The following FLT1 variants were observed in gnomAD, a reference collection of about 807,000 sequenced individuals.
The protein encoded by FLT1 is fms related receptor tyrosine kinase 1.
Under a neutral mutation model 156.3 loss-of-function variants are expected in FLT1, and 49 were observed. The ratio of observed to expected loss-of-function variants is 0.31; its 90% CI spans 0.25 to 0.40. The LOEUF (loss-of-function observed/expected upper bound fraction) is 0.40. Among genes scored for constraint, FLT1 ranks in the 10% least tolerant of loss-of-function variants. The probability of loss-of-function intolerance (pLI) is 1.00; values close to 1 mark genes in which losing one functional copy is unlikely to be tolerated. For synonymous variants in FLT1, 594 were observed against 583.8 expected, an observed-to-expected ratio of 1.02 and a Z score of -0.25; for missense variants, 1,322 against 1,637.2, an observed-to-expected ratio of 0.81 and a Z score of 3.32.
chr13:28,479,713 A>C (rs1880735642), intron 1 of FLT1, among the ~76,000 whole-genome samples: 1 of 152,206 alleles, frequency 6.6e-6, no homozygotes. Context: ...CCCATAGAAG[A>C]CTTTAGCGTT....
At chr13:28,477,846 G>T (rs895470704) in intron 1 of FLT1, among the ~76,000 whole-genome samples, 2 of 152,190 alleles carry the variant, frequency 1.3e-5, no homozygotes, top group Admixed American at 6.5e-5. Flanking sequence ...CTACTCAGAA[G>T]TTGTTTCAGG....
chr13:28,324,065 T>C (rs913064745), intron 20 of FLT1, among the ~76,000 whole-genome samples: 9 of 152,200 alleles, frequency 5.9e-5, no homozygotes, highest in Non-Finnish European at 1.3e-4. Flanking sequence ...AGCTCTATTA[T>C]ACTATTATTT....
chr13:28,345,747 G>A lies in FLT1; in HGVS notation c.2249-196C>T. The A allele has an allele frequency of 5.2e-6, 3 of 579,118 alleles. No homozygotes were observed. In the South Asian group the frequency reaches 6.0e-5, roughly 12 times the overall value. The allele number at this position is 579,118 out of a possible 1,614,324, so 35.9% of individuals were successfully genotyped here. ...AGTATACATGAACTCACATAGAAAA[G>A]GCAGTATACATGAACTCACATAATG... On this transcript the variant is annotated intron_variant, in intron 15 of 29. Coordinates refer to ENST00000282397, the MANE Select transcript of FLT1 (RefSeq NM_002019.4).
intron 3 of FLT1, among the ~76,000 whole-genome samples, chr13:28,464,829 A>G (rs545690425): frequency 6.6e-6 from 1 of 152,228 alleles, no homozygotes; most frequent in Non-Finnish European, 1.5e-5. Context: ...ATAGCTGAAC[A>G]CTATTTATTA....
At chr13:28,451,945 C>T (rs1470708537) in intron 3 of FLT1, among the ~76,000 whole-genome samples, 1 of 152,144 alleles carries the variant, frequency 6.6e-6, no homozygotes, top group African/African-American at 2.4e-5. Flanking sequence ...AGGGGCCGTC[C>T]CTGCTTGCTG....
In FLT1 at chr13:28,301,076, G is replaced by T; in HGVS notation, c.*2091C>A. The stretch of plus-strand genomic sequence containing the variant: ...TCTCTTGAAAAGGAGTATTTATTAT[G>T]GTCTCTTAATGATTAAGAATTAATT... On this transcript the variant is annotated 3_prime_UTR_variant, in exon 30 of 30. Transcript: ENST00000282397. The T allele has an allele frequency of 4.3e-6, 1 of 232,022 alleles. No individual in the cohort carries two copies. The highest frequency in any genetic ancestry group is 6.1e-5 in the East Asian group (1 of 16,370). 14.4% of individuals were successfully genotyped at this position (232,022 alleles called of 1,614,324 possible). A position where few individuals can be genotyped will look rare whatever the true frequency, so the allele number is the denominator to read the frequency against.
chr13:28,442,036 A>G (rs144139736), intron 3 of FLT1, among the ~76,000 whole-genome samples: 236 of 152,338 alleles, frequency 1.5e-3, no homozygotes, highest in African/African-American at 5.5e-3. Context: ...CACAGTTAAT[A>G]AACTTATGTG....
intron 13 of FLT1, chr13:28,387,551 GT>G: frequency 9.4e-7 from 1 of 1,063,172 alleles, no homozygotes; most frequent in Non-Finnish European, 1.1e-6. Context: ...TGCCCACCAG[GT>G]TCTTTCACTT....
intron 14 of FLT1, among the ~76,000 whole-genome samples, chr13:28,375,959 G>C (rs1873821475): frequency 6.6e-6 from 1 of 152,226 alleles, no homozygotes; most frequent in South Asian, 2.1e-4. Context: ...TTTCATTAAG[G>C]AATTTGATTA....
At chr13:28,304,743 A>G (rs1870668225) in intron 29 of FLT1, among the ~76,000 whole-genome samples, 1 of 152,160 alleles carries the variant, frequency 6.6e-6, no homozygotes, top group African/African-American at 2.4e-5. Context: ...TTCTGTCTCT[A>G]GATTTACCAA....
chr13:28,474,916 T>A (rs1880461140), intron 1 of FLT1, among the ~76,000 whole-genome samples: 1 of 152,198 alleles, frequency 6.6e-6, no homozygotes, highest in African/African-American at 2.4e-5. Context: ...ACTAAAGTAA[T>A]CACAGAGTTA....
intron 3 of FLT1, among the ~76,000 whole-genome samples, chr13:28,445,464 G>C (rs1878565430): frequency 6.6e-6 from 1 of 152,046 alleles, no homozygotes; most frequent in South Asian, 2.1e-4. Flanking sequence ...GACAGAGCTA[G>C]ACTAAAAAGA....
chr13:28,343,598 C>G (rs150087871), intron 16 of FLT1, among the ~76,000 whole-genome samples: 226 of 151,626 alleles, frequency 1.5e-3, no homozygotes, highest in African/African-American at 5.3e-3. Context: ...TGTGGGCCAC[C>G]ACGCGCGGCC....
At chr13:28,399,607 G>T (rs1444976920) in intron 11 of FLT1, among the ~76,000 whole-genome samples, 1 of 152,162 alleles carries the variant, frequency 6.6e-6, no homozygotes, top group African/African-American at 2.4e-5. Flanking sequence ...CCAACAAATA[G>T]TCAAATAGGT....
intron 29 of FLT1, among the ~76,000 whole-genome samples, chr13:28,305,921 C>G (rs907804299): frequency 3.9e-5 from 6 of 152,300 alleles, no homozygotes; most frequent in African/African-American, 1.4e-4. Flanking sequence ...TGCTGACTAT[C>G]TAGCCCTTTA....
chr13:28,352,428 T>G, intron 15 of FLT1, among the ~76,000 whole-genome samples: 1 of 152,170 alleles, frequency 6.6e-6, no homozygotes, highest in East Asian at 1.9e-4. Flanking sequence ...AACACCCACT[T>G]CTATGATACC....
chr13:28,307,835 G>C (rs368064994), intron 28 of FLT1, among the ~76,000 whole-genome samples: 25 of 151,530 alleles, frequency 1.6e-4, no homozygotes, highest in African/African-American at 5.8e-4. Flanking sequence ...GCAGTGGCGC[G>C]ATCTCGGCTC....
intron 14 of FLT1, among the ~76,000 whole-genome samples, chr13:28,365,651 C>T (rs1233697131): frequency 1.3e-5 from 2 of 152,094 alleles, no homozygotes; most frequent in Non-Finnish European, 2.9e-5. Flanking sequence ...CGTGCTCAGC[C>T]AGAACTCACT....
chr13:28,348,196 A>G (rs764466507), intron 15 of FLT1, among the ~76,000 whole-genome samples: 17 of 152,156 alleles, frequency 1.1e-4, no homozygotes, highest in Non-Finnish European at 2.5e-4. Context: ...TCTCACCAGG[A>G]CTACCTCATT....
Sources: allele counts gnomAD v4.1 joint callset (sites outside exome capture counted in the v4.1 genomes callset), GRCh38; gene constraint gnomAD v4.1.1; transcripts MANE v1.5; gene names NCBI Gene and HGNC (gene_info 2026-07-23, HGNC 2026-07-21).